COL5A2: variants seen among roughly 807,000 people sequenced by gnomAD.
The protein encoded by COL5A2 is collagen alpha-2(V) chain.
Under a neutral mutation model 208.2 loss-of-function variants are expected in COL5A2, and 23 were observed. That is an observed-to-expected ratio of 0.11 (90% CI 0.08 to 0.16). The LOEUF (loss-of-function observed/expected upper bound fraction) is 0.16, where lower values mean the gene tolerates loss of function less well. Ranked by LOEUF, COL5A2 falls within the 10% of genes least tolerant of loss-of-function variation. The probability of loss-of-function intolerance (pLI) is 1.00; values close to 1 mark genes in which losing one functional copy is unlikely to be tolerated. For synonymous variants in COL5A2, 625 were observed against 628.5 expected (o/e 0.99, Z 0.08); for missense variants, 1,590 against 1,956.4 (o/e 0.81, Z 3.53).
chr2:189,189,094 T>C (rs1249009304), intron 1 of COL5A2, among the ~76,000 whole-genome samples: 1 of 152,230 alleles, frequency 6.6e-6, no homozygotes, highest in Non-Finnish European at 1.5e-5. Context: ...ATCTGCCATT[T>C]TAAGTGCCAT....
At chr2:189,034,779 A>G in intron 53 of COL5A2, 137 bp downstream of exon 53, 1 of 952,182 alleles carries the variant, frequency 1.1e-6, no homozygotes, top group Non-Finnish European at 1.6e-6. Flanking sequence ...ATTTACCCTA[A>G]GGAATGACTA....
the COL5A2 span, among the ~76,000 whole-genome samples, chr2:189,310,060 GA>G: frequency 1.2e-4 from 19 of 152,258 alleles, no homozygotes; most frequent in East Asian, 3.7e-3. Flanking sequence ...CATAAATAAT[GA>G]GCTTAATCAT....
At chr2:189,183,926 A>C (rs1688814657), upstream of COL5A2, among the ~76,000 whole-genome samples, 1 of 152,158 alleles carries the variant, frequency 6.6e-6, no homozygotes, top group Non-Finnish European at 1.5e-5. Context: ...CCTTTGCCTG[A>C]AATAACCACT....
At chr2:189,045,357 T>C (rs1011782065) in intron 46 of COL5A2, 125 bp from the exon 47 acceptor site, 23 of 650,976 alleles carry the variant, frequency 3.5e-5, no homozygotes, top group Non-Finnish European at 6.0e-5. Context: ...TGTGTGTGTG[T>C]GTGTGTGCAT....
chr2:189,035,948 T>C (rs1215098246), intron 52 of COL5A2, among the ~76,000 whole-genome samples: 1 of 152,010 alleles, frequency 6.6e-6, no homozygotes, highest in Non-Finnish European at 1.5e-5. Context: ...AGAAACAGGG[T>C]AGACTGGGAC....
chr2:189,057,226 G>T, intron 34 of COL5A2, 94 bp downstream of exon 34: 3 of 981,782 alleles, frequency 3.1e-6, no homozygotes, highest in Non-Finnish European at 4.5e-6. Context: ...ACTCAGGATG[G>T]TAGAAATAAA....
At chr2:189,144,292 T>G (rs1471068406) in intron 1 of COL5A2, among the ~76,000 whole-genome samples, 2 of 152,162 alleles carry the variant, frequency 1.3e-5, no homozygotes, top group African/African-American at 4.8e-5. Context: ...AGTACATAGT[T>G]GGGTATTTGC....
intron 1 of COL5A2, among the ~76,000 whole-genome samples, chr2:189,148,064 T>C (rs1688074309): frequency 6.6e-6 from 1 of 152,144 alleles, no homozygotes; most frequent in South Asian, 2.1e-4. Context: ...CAAATGAACT[T>C]CTTTGTGGAA....
the COL5A2 span, among the ~76,000 whole-genome samples, chr2:189,295,554 G>T: frequency 2.0e-5 from 3 of 152,200 alleles, no homozygotes; most frequent in African/African-American, 7.2e-5. Context: ...GGCAGAAGTT[G>T]CAGTGAGCTG....
chr2:189,041,898 A>G (rs1367161334), intron 49 of COL5A2, among the ~76,000 whole-genome samples: 1 of 152,240 alleles, frequency 6.6e-6, no homozygotes, highest in Non-Finnish European at 1.5e-5. Context: ...ATGCATGGTA[A>G]AAGACAAATA....
At chr2:189,288,221 C>T in the COL5A2 span, among the ~76,000 whole-genome samples, 2 of 152,134 alleles carry the variant, frequency 1.3e-5, no homozygotes, top group Non-Finnish European at 2.9e-5. Flanking sequence ...AAGTTTATAA[C>T]CATGCATATG....
chr2:189,240,566 A>G, the COL5A2 span, among the ~76,000 whole-genome samples: 1 of 152,172 alleles, frequency 6.6e-6, no homozygotes, highest in Non-Finnish European at 1.5e-5. Context: ...TTAAAATGAG[A>G]TCATGCCTGT....
Position 189,050,497 on chromosome 2 carries a change from A to G in COL5A2, c.3039+72T>C, listed in dbSNP as rs1412943573. Reference sequence around the variant, plus strand: ...TTTAAATCTATTCATCAAGCAAAAAAAATAAAATCAATTCTCTAAACAATT... The same window carrying G: ...TTTAAATCTATTCATCAAGCAAAAAGAATAAAATCAATTCTCTAAACAATT... On this transcript the variant is annotated intron_variant, in intron 43 of 53. Coordinates refer to ENST00000374866, the MANE Select transcript of COL5A2 (RefSeq NM_000393.5). 3.1e-6 allele frequency: 4 copies of G among 1,285,420 alleles called. No homozygotes were observed. In the Admixed American group the frequency reaches 7.9e-5, roughly 25 times the overall value. 79.6% of individuals were successfully genotyped at this position (1,285,420 alleles called of 1,614,324 possible).
chr2:189,439,146 CT>C, the COL5A2 span, among the ~76,000 whole-genome samples: 1 of 152,154 alleles, frequency 6.6e-6, no homozygotes, highest in Non-Finnish European at 1.5e-5. Context: ...TGATCAAACC[CT>C]TATAATCACT....
intron 38 of COL5A2, 125 bp from the exon 39 acceptor site, chr2:189,053,143 A>G (rs1240888567): frequency 1.2e-6 from 1 of 855,268 alleles, no homozygotes; most frequent in African/African-American, 1.7e-5. Context: ...TCAGTATTAA[A>G]GCATACTAAA....
intron 2 of COL5A2, among the ~76,000 whole-genome samples, chr2:189,105,322 C>A (rs1687128369): frequency 6.6e-6 from 1 of 151,592 alleles, no homozygotes; most frequent in African/African-American, 2.4e-5. Context: ...TTACACTCCA[C>A]AAATAATGGA....
chr2:189,058,489 C>T lies in COL5A2; in HGVS notation c.2169G>A (p.Gly723=), dbSNP rs1272808206. 6.2e-7 allele frequency: 1 copy of T among 1,613,996 alleles called. No homozygotes were observed. The highest frequency in any genetic ancestry group is 1.7e-5 in the Admixed American group (1 of 60,018). ...CCTTCTCACCAGGGAGTCCAGTTAT[C>T]CCAGGTTCTCCTCTTTCCCCAGGAT... ...RGNPGERGEP[G]ITGLPGEKGM... is the part of the protein sequence containing the mutation. Residue 723 remains glycine (G), a synonymous_variant, in exon 33 of 54, where the codon GGG becomes GGA. Coordinates refer to ENST00000374866, the MANE Select transcript of COL5A2 (RefSeq NM_000393.5).
the COL5A2 span, among the ~76,000 whole-genome samples, chr2:189,344,333 C>T: frequency 1.7e-3 from 263 of 152,196 alleles, 1 homozygote; most frequent in African/African-American, 5.6e-3. Flanking sequence ...AAAAAACTCT[C>T]GGGTCAAACA....
At position 189,198,987 on chromosome 2, in the gene COL5A2, C is replaced by T. The variant is rs991146031; in HGVS notation, c.-42+26161G>A. ...ACTCATTCGACCATGCTAACATTTCCTTCCCTAAAATTCTATAACACTTAC... is the reference window on the plus strand; with the variant it reads ...ACTCATTCGACCATGCTAACATTTCTTTCCCTAAAATTCTATAACACTTAC... On this transcript the variant is annotated intron_variant, in intron 1 of 10. Transcript: ENST00000649966. 5.3e-5 allele frequency among the ~76,000 whole-genome samples: 8 copies of T among 152,168 alleles called. 1 individual carries two copies. Among genetic ancestry groups the T allele is most frequent in the East Asian group, 1.9e-4 (1 of 5,184 alleles).
Sources: gnomAD v4.1 joint callset for allele counts (sites outside exome capture counted in the v4.1 genomes callset) on GRCh38, gnomAD v4.1.1 for gene constraint, MANE v1.5 for transcripts, NCBI Gene and HGNC (gene_info 2026-07-23, HGNC 2026-07-21) for gene names.